The following RBM25 variants were observed in gnomAD, a reference collection of about 807,000 sequenced individuals.
The protein encoded by RBM25 is RNA-binding protein 25.
RBM25 carries 19 observed loss-of-function variants against 120.7 expected under a neutral mutation model. That is an observed-to-expected ratio of 0.16 (90% CI 0.11 to 0.23). The LOEUF (loss-of-function observed/expected upper bound fraction) is 0.23. Among genes scored for constraint, RBM25 ranks in the 10% least tolerant of loss-of-function variants. The probability of loss-of-function intolerance (pLI) is 1.00; values close to 1 mark genes in which losing one functional copy is unlikely to be tolerated. For synonymous variants in RBM25, 390 were observed against 326.7 expected, an observed-to-expected ratio of 1.19 and a Z score of -2.09; for missense variants, 605 against 1,041.5, an observed-to-expected ratio of 0.58 and a Z score of 5.77.
At chr14:73,104,384 T>C (rs1053421969) in intron 10 of RBM25, among the ~76,000 whole-genome samples, 4 of 151,780 alleles carry the variant, frequency 2.6e-5, no homozygotes, top group East Asian at 1.9e-4. Context: ...TTTTTTTTTT[T>C]CTGAGACAAG....
At chr14:73,099,191 G>T (rs1341135942) in intron 7 of RBM25, among the ~76,000 whole-genome samples, 189 bp from the exon 8 acceptor site, 1 of 152,074 alleles carries the variant, frequency 6.6e-6, no homozygotes. Flanking sequence ...CCAGAGAGGA[G>T]GGTAGTGTGT....
At chr14:73,104,511 A>G (rs534423937) in intron 10 of RBM25, among the ~76,000 whole-genome samples, 11 of 151,942 alleles carry the variant, frequency 7.2e-5, no homozygotes, top group Admixed American at 5.9e-4. Flanking sequence ...GACTACAGGC[A>G]CACACCACTG....
At chr14:73,092,977 CT>C (rs1165872431) in intron 6 of RBM25, among the ~76,000 whole-genome samples, 1 of 152,070 alleles carries the variant, frequency 6.6e-6, no homozygotes, top group East Asian at 1.9e-4. Flanking sequence ...AACTTTTTTT[CT>C]TTCCATTTCT....
intron 13 of RBM25, among the ~76,000 whole-genome samples, chr14:73,108,254 A>T (rs1045179486): frequency 2.0e-5 from 3 of 152,198 alleles, no homozygotes; most frequent in African/African-American, 4.8e-5. Flanking sequence ...GCATGATCAT[A>T]GTTCACTGTA....
In RBM25 at chr14:73,064,180, C is replaced by T. The variant is rs562484698; in HGVS notation, c.-16+5475C>T. On this transcript the variant is annotated intron_variant, in intron 1 of 18. Transcript: ENST00000261973. ...TATTTTTCTACAAAGTACATACCATCTTTCAATGTATTATAATTTATTTTG... is the reference window on the plus strand; with the variant it reads ...TATTTTTCTACAAAGTACATACCATTTTTCAATGTATTATAATTTATTTTG... Among the ~76,000 whole-genome samples, 324 of 151,562 alleles carry T rather than the reference C, an allele frequency of 2.1e-3. 3 individuals carry two copies. Among genetic ancestry groups the T allele is most frequent in the African/African-American group, 7.4e-3 (307 of 41,458 alleles).
chr14:73,067,475 G>A (rs921726146), intron 1 of RBM25, among the ~76,000 whole-genome samples: 6 of 151,904 alleles, frequency 3.9e-5, no homozygotes, highest in South Asian at 4.1e-4. Flanking sequence ...GCTTGATCTC[G>A]GGTCACTGCA....
In RBM25 at chr14:73,095,518, A is replaced by C. The variant is rs548360314; in HGVS notation, c.544-1397A>C. ...CTACTCAGGAGGCTAAGGCAGGAGAATGGTGTGAAACTGGGAGGCCAGAGC... is the reference window on the plus strand; with the variant it reads ...CTACTCAGGAGGCTAAGGCAGGAGACTGGTGTGAAACTGGGAGGCCAGAGC... On this transcript the variant is annotated intron_variant, in intron 6 of 18. Coordinates refer to ENST00000261973, the MANE Select transcript of RBM25 (RefSeq NM_021239.3). Among the ~76,000 whole-genome samples, 4 of 152,024 alleles carry C rather than the reference A, an allele frequency of 2.6e-5. No individual in the cohort carries two copies. The South Asian group carries it at 8.3e-4, about 32-fold the overall frequency.
intron 10 of RBM25, among the ~76,000 whole-genome samples, chr14:73,103,905 G>GTCTCTCTCTCTCTCTCTCTCTC (rs72346306): frequency 1.1e-5 from 1 of 91,662 alleles, no homozygotes; most frequent in Non-Finnish European, 2.2e-5. Context: ...CTGTCTGTCT[G>GTCTCTCTCTCTCTCTCTCTCTC]TCTCTCTCTC....
chr14:73,114,538 T>A (rs1896382128), intron 18 of RBM25, among the ~76,000 whole-genome samples: 1 of 152,002 alleles, frequency 6.6e-6, no homozygotes, highest in African/African-American at 2.4e-5. Context: ...GCACTATTAT[T>A]AATATTTTAA....
chr14:73,116,900 G>A (rs1465778362), intron 18 of RBM25, among the ~76,000 whole-genome samples: 3 of 152,002 alleles, frequency 2.0e-5, no homozygotes, highest in Non-Finnish European at 2.9e-5. Context: ...AAGCTCATGG[G>A]GCCTTGTAAA....
intron 2 of RBM25, among the ~76,000 whole-genome samples, chr14:73,073,190 A>G (rs550294525): frequency 1.6e-4 from 24 of 152,146 alleles, no homozygotes; most frequent in Middle Eastern, 3.4e-3. Context: ...CAGCCTTCCA[A>G]AGTTCTGGGA....
chr14:73,091,307 A>G (rs757973532), intron 6 of RBM25, among the ~76,000 whole-genome samples: 1 of 152,006 alleles, frequency 6.6e-6, no homozygotes, highest in Non-Finnish European at 1.5e-5. Flanking sequence ...GCTCACTGCA[A>G]CCTCCTATTC....
intron 10 of RBM25, among the ~76,000 whole-genome samples, chr14:73,104,717 A>T (rs1322723602): frequency 6.6e-6 from 1 of 152,188 alleles, no homozygotes; most frequent in Non-Finnish European, 1.5e-5. Flanking sequence ...AATGAGGTAT[A>T]GCAAACATGA....
rs919901429 is a variant in RBM25 at position 73,058,695 on chromosome 14, C to G, written c.-26C>G. 3.3e-5 allele frequency: 5 copies of G among 152,180 alleles called. No homozygotes were observed. The highest frequency in any genetic ancestry group is 7.3e-5 in the Non-Finnish European group (5 of 68,068). The allele number at this position is 152,180 out of a possible 1,614,324, so 9.4% of individuals were successfully genotyped here. A position where few individuals can be genotyped will look rare whatever the true frequency, so the allele number is the denominator to read the frequency against. ...AAGGTCGCGAAGGCAGTACCGTTTCCTCAGCGGCGGGTGAGTTTGTGTCTC... is the reference window on the plus strand; with the variant it reads ...AAGGTCGCGAAGGCAGTACCGTTTCGTCAGCGGCGGGTGAGTTTGTGTCTC... On this transcript the variant is annotated 5_prime_UTR_variant, in exon 1 of 19. Transcript: ENST00000261973.
chr14:73,080,823 C>CTTTTTTTTTTTTT (rs35197238), intron 4 of RBM25, among the ~76,000 whole-genome samples: 1 of 139,946 alleles, frequency 7.1e-6, no homozygotes. Context: ...TTCTTTCTTT[C>CTTTTTTTTTTTTT]TTTTTTTTTT....
At position 73,071,633 on chromosome 14, in the gene RBM25, G is replaced by A. The variant is rs181467529; in HGVS notation, c.-9G>A. The A allele has an allele frequency of 5.7e-5, 91 of 1,598,474 alleles. No individual in the cohort carries two copies. The East Asian group carries it at 1.7e-3, about 29-fold the overall frequency. ...CATGTCCTTTTTTCTTTAGACTGCT[G>A]CAGTAAGAATGTCTTTTCCACCTCA... On this transcript the variant is annotated 5_prime_UTR_variant, in exon 2 of 19. Coordinates refer to ENST00000261973, the MANE Select transcript of RBM25 (RefSeq NM_021239.3).
chr14:73,083,445 A>G lies in RBM25; in HGVS notation c.325-49A>G, dbSNP rs187650584. 7.8e-5 allele frequency: 110 copies of G among 1,408,470 alleles called. No homozygotes were observed. The East Asian group carries it at 2.5e-3, about 32-fold the overall frequency. The allele number at this position is 1,408,470 out of a possible 1,614,324, so 87.2% of individuals were successfully genotyped here. On this transcript the variant is annotated intron_variant, in intron 4 of 18. Coordinates refer to ENST00000261973, the MANE Select transcript of RBM25 (RefSeq NM_021239.3). ...AATTTTGCTTTTAGTTACATTAAAAATTATTTTGTTAAATGGTAGCAATCT... is the reference window on the plus strand; with the variant it reads ...AATTTTGCTTTTAGTTACATTAAAAGTTATTTTGTTAAATGGTAGCAATCT...
intron 1 of RBM25, among the ~76,000 whole-genome samples, chr14:73,059,880 A>G (rs907574745): frequency 2.6e-5 from 4 of 151,978 alleles, no homozygotes; most frequent in African/African-American, 9.7e-5. Flanking sequence ...TCTATACGTT[A>G]TTGGGGTTGG....
chr14:73,114,786 C>T (rs1376632730), intron 18 of RBM25, among the ~76,000 whole-genome samples: 1 of 152,012 alleles, frequency 6.6e-6, no homozygotes, highest in Non-Finnish European at 1.5e-5. Context: ...CCCAGCTACT[C>T]GGGGAGTCTG....
Sources: gnomAD v4.1 joint callset for allele counts (sites outside exome capture counted in the v4.1 genomes callset) on GRCh38, gnomAD v4.1.1 for gene constraint, MANE v1.5 for transcripts, NCBI Gene and HGNC (gene_info 2026-07-23, HGNC 2026-07-21) for gene names.